RBFOX3: variants seen among roughly 807,000 people sequenced by gnomAD.
RBFOX3 encodes the protein RNA binding protein fox-1 homolog 3.
Under a neutral mutation model 48.7 loss-of-function variants are expected in RBFOX3, and 17 were observed. The observed-to-expected ratio is 0.35, with a 90% CI of 0.24 to 0.52. The LOEUF (loss-of-function observed/expected upper bound fraction) is 0.52, where lower values mean the gene tolerates loss of function less well. Among genes scored for constraint, RBFOX3 ranks in the 20% least tolerant of loss-of-function variants. The pLI, the probability that RBFOX3 is intolerant of heterozygous loss-of-function variation, is 0.94. For missense variants in RBFOX3, 382 were observed against 497.5 expected (o/e 0.77, Z 2.21); for synonymous variants, 212 against 209.5 (o/e 1.01, Z -0.10).
In RBFOX3 at chr17:79,103,929, C is replaced by T. The variant is rs1179903691; in HGVS notation, c.414+144G>A. 7.2e-5 allele frequency: 49 copies of T among 680,334 alleles called. No individual in the cohort carries two copies. The East Asian group carries it at 1.1e-3, about 15-fold the overall frequency. 42.1% of individuals were successfully genotyped at this position (680,334 alleles called of 1,614,324 possible). A position where few individuals can be genotyped will look rare whatever the true frequency, so the allele number is the denominator to read the frequency against. ...GGGGTGGGGGCGGGGCGGGTGGGGG[C>T]GGAAGAGCGGGGAATACAAGCACCC... On this transcript the variant is annotated intron_variant, in intron 7 of 14. Transcript: ENST00000693108. This position sits in a 1 kb window ranked among gnomAD's most constrained non-coding sequence, Gnocchi z 6.1.
At chr17:79,439,206 G>A (rs1240207619) in intron 2 of RBFOX3, among the ~76,000 whole-genome samples, 10 of 152,198 alleles carry the variant, frequency 6.6e-5, no homozygotes, top group South Asian at 6.2e-4. Flanking sequence ...TGATGGGGCC[G>A]AGATGAGCTG....
chr17:79,313,033 T>G (rs1248428831), intron 2 of RBFOX3, among the ~76,000 whole-genome samples: 1 of 152,196 alleles, frequency 6.6e-6, no homozygotes, highest in East Asian at 1.9e-4. Context: ...ACAGCCTGCA[T>G]GCTGGCAGAG....
intron 2 of RBFOX3, among the ~76,000 whole-genome samples, chr17:79,341,384 C>T (rs2082060084): frequency 6.6e-6 from 1 of 152,242 alleles, no homozygotes; most frequent in South Asian, 2.1e-4. Flanking sequence ...CTTCCTCATA[C>T]TATACAGCTT....
intron 1 of RBFOX3, among the ~76,000 whole-genome samples, chr17:79,490,671 T>C (rs903170430): frequency 3.3e-5 from 5 of 151,442 alleles, no homozygotes; most frequent in Non-Finnish European, 5.9e-5. Flanking sequence ...GCATGGATAC[T>C]GGGGCACAGC....
intron 2 of RBFOX3, among the ~76,000 whole-genome samples, chr17:79,356,883 T>C (rs1272399270): frequency 6.6e-6 from 1 of 152,190 alleles, no homozygotes; most frequent in African/African-American, 2.4e-5. Flanking sequence ...CCACTGCCCC[T>C]GCTGCAACTC....
rs942870542 is a variant in RBFOX3, at chr17:79,311,474, C to T, written c.-174-3650G>A. On this transcript the variant is annotated intron_variant, in intron 2 of 14. Coordinates refer to ENST00000693108, the MANE Select transcript of RBFOX3 (RefSeq NM_001350451.2). The surrounding 1 kb of genome is among the most constrained non-coding windows in gnomAD (Gnocchi z 4.2). The stretch of plus-strand genomic sequence containing the variant: ...AAAAAACAGACTGCAGCACCAATTC[C>T]TGCCTGAGGTTCCAGCCTGTCCACC... Among the ~76,000 whole-genome samples, 1 of 151,300 alleles carries T rather than the reference C, an allele frequency of 6.6e-6. No homozygotes were observed. The highest frequency in any genetic ancestry group is 1.5e-5 in the Non-Finnish European group (1 of 67,894).
At chr17:79,118,477 G>T (rs935135074) in intron 4 of RBFOX3, among the ~76,000 whole-genome samples, 5 of 152,108 alleles carry the variant, frequency 3.3e-5, no homozygotes, top group African/African-American at 7.2e-5. Flanking sequence ...GCACCCAGGA[G>T]GGGTGGAGAG....
chr17:79,250,318 A>C (rs1046912449), intron 3 of RBFOX3, among the ~76,000 whole-genome samples: 1 of 152,204 alleles, frequency 6.6e-6, no homozygotes, highest in Non-Finnish European at 1.5e-5. Context: ...GGGTTTGTTT[A>C]ATAATAGATA....
intron 2 of RBFOX3, among the ~76,000 whole-genome samples, chr17:79,339,356 T>C (rs891853263): frequency 6.6e-6 from 1 of 152,170 alleles, no homozygotes; most frequent in Non-Finnish European, 1.5e-5. Flanking sequence ...GTGTCCAGCA[T>C]TGATTCTTAG....
intron 3 of RBFOX3, among the ~76,000 whole-genome samples, chr17:79,296,305 C>CCACA (rs61439993): frequency 7.0e-4 from 92 of 130,500 alleles, no homozygotes; most frequent in African/African-American, 1.2e-3. Context: ...CACACACACA[C>CCACA]CACACACACA....
At chr17:79,512,815 G>A (rs1427823725) in intron 1 of RBFOX3, among the ~76,000 whole-genome samples, 553 of 67,254 alleles carry the variant, frequency 8.2e-3, no homozygotes, top group East Asian at 0.014. Context: ...GCCAGGGGAC[G>A]CACACCCGGA....
At chr17:79,334,949 T>C (rs1236410381) in intron 2 of RBFOX3, among the ~76,000 whole-genome samples, 1 of 152,232 alleles carries the variant, frequency 6.6e-6, no homozygotes, top group Non-Finnish European at 1.5e-5. Flanking sequence ...TTGACAAACC[T>C]TGGACATTCT....
intron 4 of RBFOX3, among the ~76,000 whole-genome samples, chr17:79,125,560 A>G (rs960279523): frequency 1.3e-5 from 2 of 152,156 alleles, no homozygotes; most frequent in African/African-American, 4.8e-5. Flanking sequence ...GAGCTCAGGG[A>G]GCAGGCGGCA....
intron 2 of RBFOX3, among the ~76,000 whole-genome samples, chr17:79,314,626 C>A (rs2077289292): frequency 6.9e-6 from 1 of 145,138 alleles, no homozygotes; most frequent in South Asian, 2.3e-4. Context: ...AAGTCAGATT[C>A]TCCACAGTAG....
intron 1 of RBFOX3, among the ~76,000 whole-genome samples, chr17:79,520,230 G>A (rs964357480): frequency 1.2e-4 from 18 of 152,336 alleles, no homozygotes; most frequent in Admixed American, 6.5e-4. Context: ...GTGTGACAAC[G>A]CCCCAGGCGG....
chr17:79,258,549 A>G (rs2065237625), intron 3 of RBFOX3, among the ~76,000 whole-genome samples: 1 of 152,186 alleles, frequency 6.6e-6, no homozygotes, highest in African/African-American at 2.4e-5. Flanking sequence ...GCCTGGATGG[A>G]GCCAGGACCA....
At chr17:79,597,674 C>A (rs2093602245) in intron 1 of RBFOX3, among the ~76,000 whole-genome samples, 1 of 152,200 alleles carries the variant, frequency 6.6e-6, no homozygotes, top group Non-Finnish European at 1.5e-5. Flanking sequence ...GCCTCTGCAT[C>A]CACGGTCACC....
rs1448893621 is a variant in RBFOX3, at chr17:79,421,809, G to C, written c.-175+60645C>G. On this transcript the variant is annotated intron_variant, in intron 2 of 14. Coordinates refer to ENST00000693108, the MANE Select transcript of RBFOX3 (RefSeq NM_001350451.2). The surrounding 1 kb of genome is among the most constrained non-coding windows in gnomAD (Gnocchi z 4.5). The stretch of plus-strand genomic sequence containing the variant: ...AGGCCTTGGGACAAGGGCAGAGAGA[G>C]AGAAGGGGAAGGAAGTGATCAGGTG... Among the ~76,000 whole-genome samples the C allele has an allele frequency of 4.6e-5, 7 of 152,278 alleles. No individual in the cohort carries two copies. The highest frequency in any genetic ancestry group is 2.1e-4 in the South Asian group (1 of 4,826).
At chr17:79,352,774 T>A (rs1206999863) in intron 2 of RBFOX3, among the ~76,000 whole-genome samples, 12 of 152,170 alleles carry the variant, frequency 7.9e-5, no homozygotes, top group Admixed American at 7.9e-4. Flanking sequence ...AGAAATGACC[T>A]CACAGTGTCA....
Sources: gnomAD v4.1 joint callset for allele counts (sites outside exome capture counted in the v4.1 genomes callset) on GRCh38, gnomAD v4.1.1 for gene constraint, Gnocchi (gnomAD v3.1) non-coding constraint, MANE v1.5 for transcripts, NCBI Gene and HGNC (gene_info 2026-07-23, HGNC 2026-07-21) for gene names.